HLTF: variants seen among roughly 807,000 people sequenced by gnomAD.
HLTF encodes the protein DNA-dependent ATPase/E3 ubiquitin-protein ligase HLTF.
A neutral mutation model predicts 129.4 loss-of-function variants in HLTF; 127 were observed. That is an observed-to-expected ratio of 0.98 (90% CI 0.85 to 1.14). HLTF has a LOEUF of 1.14. HLTF is among the 50% of genes most tolerant of loss of function. The pLI is 0.00. For synonymous variants in HLTF, 332 were observed against 388.8 expected (o/e 0.85, Z 1.72); for missense variants, 1,139 against 1,187.1 (o/e 0.96, Z 0.60).
chr3:149,060,712 T>C (rs748315105), intron 11 of HLTF, 25 bp from the exon 12 acceptor site: 4 of 1,611,328 alleles, frequency 2.5e-6, no homozygotes, highest in Admixed American at 1.7e-5. Context: ...AAAATAAACA[T>C]AAAAATGGGC....
At chr3:149,069,181 A>C (rs987907473) in intron 7 of HLTF, among the ~76,000 whole-genome samples, 1 of 152,132 alleles carries the variant, frequency 6.6e-6, no homozygotes, top group Non-Finnish European at 1.5e-5. Flanking sequence ...TTTCCTTAAG[A>C]ATGTTCTTGG....
intron 7 of HLTF, 129 bp from the exon 8 acceptor site, chr3:149,068,464 T>C: frequency 2.2e-6 from 1 of 457,170 alleles, no homozygotes; most frequent in Non-Finnish European, 3.9e-6. Flanking sequence ...TACTGTATAT[T>C]AATGAAAAAT....
At chr3:149,060,597 T>A (rs753668334) in intron 12 of HLTF, 46 bp downstream of exon 12, 1 of 1,419,690 alleles carries the variant, frequency 7.0e-7, no homozygotes, top group East Asian at 2.3e-5. Context: ...GAGCTGTACT[T>A]TAATAATCTT....
intron 8 of HLTF, among the ~76,000 whole-genome samples, chr3:149,066,711 A>G (rs1315784784): frequency 6.6e-6 from 1 of 152,216 alleles, no homozygotes; most frequent in Non-Finnish European, 1.5e-5. Context: ...CTCAATTAAT[A>G]ATTGAGACTA....
At chr3:149,054,125 T>C (rs1717226486) in intron 14 of HLTF, among the ~76,000 whole-genome samples, 2 of 152,072 alleles carry the variant, frequency 1.3e-5, no homozygotes, top group Non-Finnish European at 2.9e-5. Context: ...GCCACTAAAT[T>C]TGACAATTAA....
At chr3:149,059,476 TTCAG>T (rs1221037158) in intron 13 of HLTF, 1 of 496,666 alleles carries the variant, frequency 2.0e-6, no homozygotes, top group African/African-American at 1.9e-5. Flanking sequence ...ATCTCTGCTA[TTCAG>T]AGGAGTAAGG....
At chr3:149,085,894 A>C (rs1415005314) in intron 1 of HLTF, among the ~76,000 whole-genome samples, 1 of 151,786 alleles carries the variant, frequency 6.6e-6, no homozygotes, top group Non-Finnish European at 1.5e-5. Flanking sequence ...AGTGGCGCAT[A>C]TCTCTACTAG....
chr3:149,050,525 A>G, intron 14 of HLTF, 150 bp from the exon 15 acceptor site: 2 of 454,946 alleles, frequency 4.4e-6, no homozygotes, highest in Non-Finnish European at 7.9e-6. Context: ...AGACCAAAAT[A>G]ATAACAATAA....
At chr3:149,043,724 AGTACAAATTTTT>A (rs1321199141) in intron 18 of HLTF, among the ~76,000 whole-genome samples, 4 of 152,192 alleles carry the variant, frequency 2.6e-5, no homozygotes, top group Non-Finnish European at 5.9e-5. Context: ...AACGGCTAAG[AGTACAAATTTTT>A]AGAGCTAGCT....
intron 4 of HLTF, among the ~76,000 whole-genome samples, chr3:149,073,800 A>G (rs1352032787): frequency 1.3e-4 from 20 of 152,248 alleles, no homozygotes; most frequent in Non-Finnish European, 2.4e-4. Context: ...CACTAAAAAA[A>G]CAAGTAATTC....
Position 149,040,095 on chromosome 3 carries a change from G to A in HLTF, c.2438C>T (p.Pro813Leu). ...DIHEDNLLECPPEELARDSEK... is the reference protein window; with the variant it reads ...DIHEDNLLECLPEELARDSEK... Reference sequence around the variant, plus strand: ...ACTGTCACGTGCTAATTCTTCTGGAGGACATTCTAATAAATTATCTTCATG... The same window carrying A: ...ACTGTCACGTGCTAATTCTTCTGGAAGACATTCTAATAAATTATCTTCATG... Residue 813 changes from proline (P) to leucine (L), a missense_variant, in exon 21 of 25, where the codon CCT becomes CTT. Transcript: ENST00000310053. The A allele has an allele frequency of 1.2e-6, 2 of 1,610,164 alleles. No individual in the cohort carries two copies. Among genetic ancestry groups the A allele is most frequent in the African/African-American group, 1.3e-5 (1 of 74,950 alleles).
chr3:149,032,352 AAC>A lies in HLTF; in HGVS notation c.2896_2897del (p.Val966Ter). 4 of 1,565,506 alleles carry A rather than the reference AAC, an allele frequency of 2.6e-6. No homozygotes were observed. The highest frequency in any genetic ancestry group is 3.5e-6 in the Non-Finnish European group (4 of 1,155,882). ...TTTGTATTTTCAGCATATTTTCTTC[AAC>A]AGAGTCCTTTACAATGAACTTTAAA... is the stretch of plus-strand genomic sequence containing the variant. ...IITKFIVKDS[V>X]EENMLKIQNK... On this transcript the variant is annotated frameshift_variant, in exon 25 of 25. Transcript: ENST00000310053. LOFTEE classifies it high-confidence loss of function.
rs775857943 is a variant in HLTF, at chr3:149,039,596, A to C, written c.2600T>G (p.Ile867Arg). Residue 867 changes from isoleucine (I) to arginine (R), a missense_variant, in exon 22 of 25, where the codon ATA becomes AGA. Ile to Arg is a moderately conservative substitution (Grantham distance 97). Coordinates refer to ENST00000310053, the MANE Select transcript of HLTF (RefSeq NM_003071.4). ...TGGAACTTACTTAAGTGGTATTTCTATTAAAGACAGGAATGTTGTAAACTG... is the reference window on the plus strand; with the variant it reads ...TGGAACTTACTTAAGTGGTATTTCTCTTAAAGACAGGAATGTTGTAAACTG... ...VSQFTTFLSL[I>R]EIPLKASGFV... 6.5e-7 allele frequency: 1 copy of C among 1,527,732 alleles called. No homozygotes were observed. Among genetic ancestry groups the C allele is most frequent in the Non-Finnish European group, 9.0e-7 (1 of 1,111,620 alleles). The allele number at this position is 1,527,732 out of a possible 1,614,324, so 94.6% of individuals were successfully genotyped here.
At chr3:149,065,717 C>G (rs1718316556) in intron 8 of HLTF, among the ~76,000 whole-genome samples, 1 of 152,104 alleles carries the variant, frequency 6.6e-6, no homozygotes, top group Admixed American at 6.6e-5. Flanking sequence ...GTAATCCCAG[C>G]TACTTGGGAG....
chr3:149,077,408 T>G (rs187592121), intron 2 of HLTF, among the ~76,000 whole-genome samples: 7 of 152,032 alleles, frequency 4.6e-5, no homozygotes, highest in Admixed American at 3.3e-4. Flanking sequence ...CTCCTGAAGT[T>G]CCCCGGAAGA....
intron 8 of HLTF, among the ~76,000 whole-genome samples, chr3:149,065,521 C>G (rs940785706): frequency 6.6e-6 from 1 of 152,150 alleles, no homozygotes; most frequent in Non-Finnish European, 1.5e-5. Flanking sequence ...AAGGTTCATC[C>G]TCTTTAAAGG....
At chr3:149,048,396 A>G (rs189276124) in intron 16 of HLTF, among the ~76,000 whole-genome samples, 16 of 152,370 alleles carry the variant, frequency 1.1e-4, no homozygotes, top group Middle Eastern at 3.4e-3. Flanking sequence ...CTAGCCAAGA[A>G]AAAGACTGGA....
chr3:149,063,210 C>T (rs1034836526), intron 10 of HLTF: 15 of 442,590 alleles, frequency 3.4e-5, no homozygotes, highest in South Asian at 1.3e-4. Context: ...CAGGCGCCCA[C>T]GACCACGCCT....
intron 5 of HLTF, 89 bp downstream of exon 5, chr3:149,073,136 C>A: frequency 2.9e-6 from 2 of 687,480 alleles, no homozygotes; most frequent in South Asian, 2.5e-5. Flanking sequence ...CACAAATACC[C>A]ACACGTACAT....
Sources: gnomAD v4.1 joint callset for allele counts (sites outside exome capture counted in the v4.1 genomes callset) on GRCh38, gnomAD v4.1.1 for gene constraint, MANE v1.5 for transcripts, NCBI Gene and HGNC (gene_info 2026-07-23, HGNC 2026-07-21) for gene names.